Variants in ZNG1F observed in about 807,000 individuals in gnomAD.
ZNG1F encodes the protein zinc-regulated GTPase metalloprotein activator 1F.
At chr9:41,139,843 A>G in the ZNG1F span, among the ~76,000 whole-genome samples, 3 of 151,690 alleles carry the variant, frequency 2.0e-5, no homozygotes, top group African/African-American at 7.3e-5. Flanking sequence ...ACATTACACT[A>G]AGTGAAATAA....
At chr9:41,134,198 T>C in the ZNG1F span, among the ~76,000 whole-genome samples, 1 of 144,974 alleles carries the variant, frequency 6.9e-6, no homozygotes, top group Non-Finnish European at 1.5e-5. Context: ...TTGGGGAAAA[T>C]AAGGGTCAAA....
the ZNG1F span, among the ~76,000 whole-genome samples, chr9:41,185,622 G>C: frequency 1.8e-4 from 27 of 151,780 alleles, no homozygotes; most frequent in Admixed American, 1.8e-3. Context: ...GCAGTGAGCT[G>C]AGATTGCACC....
chr9:41,158,779 C>T, the ZNG1F span: 2 of 90,636 alleles, frequency 2.2e-5, no homozygotes, highest in African/African-American at 3.9e-5. Flanking sequence ...TCAAGGCATA[C>T]GACTAGAAAA....
At chr9:41,146,127 G>C in the ZNG1F span, 1 of 146,656 alleles carries the variant, frequency 6.8e-6, no homozygotes, top group African/African-American at 2.5e-5. Context: ...TCCTAGTAAG[G>C]AGAATGTCAA....
At chr9:41,132,552 G>C in the ZNG1F span, 21 of 1,379,124 alleles carry the variant, frequency 1.5e-5, 1 homozygote, top group Non-Finnish European at 2.0e-5. Context: ...TTCAAAAAAG[G>C]TTTCTGTGTA....
chr9:41,193,922 T>A, the ZNG1F span, among the ~76,000 whole-genome samples: 5 of 149,642 alleles, frequency 3.3e-5, no homozygotes, highest in African/African-American at 1.2e-4. Flanking sequence ...AATCAGTTTT[T>A]TTTTCTATAC....
chr9:41,154,906 A>C, the ZNG1F span, among the ~76,000 whole-genome samples: 1 of 150,148 alleles, frequency 6.7e-6, no homozygotes, highest in East Asian at 2.0e-4. Context: ...AAACCCTAGA[A>C]GAAAACCTAG....
chr9:41,175,355 C>G, the ZNG1F span, among the ~76,000 whole-genome samples: 1 of 144,366 alleles, frequency 6.9e-6, no homozygotes. Flanking sequence ...TTGTGAGTAA[C>G]AGGGGCTGAA....
At chr9:41,141,116 A>T in the ZNG1F span, among the ~76,000 whole-genome samples, 1 of 151,334 alleles carries the variant, frequency 6.6e-6, no homozygotes, top group Non-Finnish European at 1.5e-5. Context: ...CCAGTATGAG[A>T]CAAAAAAGGC....
At chr9:41,155,295 C>A in the ZNG1F span, among the ~76,000 whole-genome samples, 3 of 150,290 alleles carry the variant, frequency 2.0e-5, 1 homozygote, top group African/African-American at 7.4e-5. Flanking sequence ...CAAATCAAAA[C>A]CACAATGAGA....
chr9:41,176,740 T>C, the ZNG1F span: 1 of 148,892 alleles, frequency 6.7e-6, no homozygotes, highest in South Asian at 2.1e-4. Context: ...TTCTCCCATA[T>C]CAAGAAGAAA....
chr9:41,155,185 GTGGGCGAAGGACA>G, the ZNG1F span, among the ~76,000 whole-genome samples: 1 of 151,416 alleles, frequency 6.6e-6, no homozygotes, highest in Non-Finnish European at 1.5e-5. Flanking sequence ...CCATCAAAAA[GTGGGCGAAGGACA>G]TGAACAGACA....
At chr9:41,132,001 A>G in the ZNG1F span, 2 of 618,252 alleles carry the variant, frequency 3.2e-6, no homozygotes, top group Non-Finnish European at 5.6e-6. Context: ...TCAGTACATC[A>G]AAGTCACATT....
At chr9:41,159,170 T>G in the ZNG1F span, among the ~76,000 whole-genome samples, 1 of 151,090 alleles carries the variant, frequency 6.6e-6, no homozygotes, top group East Asian at 2.0e-4. Context: ...TATTTTCCAG[T>G]GGTCATCTCT....
At chr9:41,154,864 TAAAGACTTA>T in the ZNG1F span, among the ~76,000 whole-genome samples, 8 of 149,678 alleles carry the variant, frequency 5.3e-5, no homozygotes, top group African/African-American at 1.2e-4. Flanking sequence ...CAAGATGGAT[TAAAGACTTA>T]AATGTTAGAC....
the ZNG1F span, among the ~76,000 whole-genome samples, chr9:41,187,566 C>T: frequency 6.7e-6 from 1 of 149,222 alleles, no homozygotes; most frequent in African/African-American, 2.5e-5. Flanking sequence ...AAAGGTGTGA[C>T]GCAGTCAGAT....
chr9:41,145,480 T>C, the ZNG1F span: 2 of 519,190 alleles, frequency 3.9e-6, no homozygotes, highest in Admixed American at 3.7e-5. Context: ...TGTTCGCAAA[T>C]TCCAATAGAG....
chr9:41,157,579 G>A, the ZNG1F span: 2 of 144,658 alleles, frequency 1.4e-5, no homozygotes, highest in African/African-American at 5.0e-5. Flanking sequence ...GATTCCAGAA[G>A]CTTGCCAAAC....
At chr9:41,145,509 T>G in the ZNG1F span, 1 of 642,870 alleles carries the variant, frequency 1.6e-6, no homozygotes, top group African/African-American at 2.0e-5. Context: ...GCAGATTAAG[T>G]TTTTTTAAAA....
Sources: gnomAD v4.1 joint callset for allele counts (sites outside exome capture counted in the v4.1 genomes callset) on GRCh38, gnomAD v4.1.1 for gene constraint, MANE v1.5 for transcripts, NCBI Gene and HGNC (gene_info 2026-07-23, HGNC 2026-07-21) for gene names.